The following KIF5A variants were observed in gnomAD, a reference collection of about 807,000 sequenced individuals.
KIF5A encodes the protein kinesin family member 5A.
A neutral mutation model predicts 141.3 loss-of-function variants in KIF5A; 35 were observed. The observed-to-expected ratio is 0.25, with a 90% CI of 0.19 to 0.33. The LOEUF (loss-of-function observed/expected upper bound fraction) is 0.33. KIF5A is among the 10% of genes least tolerant of loss of function. KIF5A has a pLI of 1.00. For missense variants in KIF5A, 861 were observed against 1,314.3 expected (o/e 0.66, Z 5.33); for synonymous variants, 448 against 500.2 (o/e 0.90, Z 1.39).
At chr12:57,552,395 A>G (rs1256416363) in intron 1 of KIF5A, among the ~76,000 whole-genome samples, 2 of 152,202 alleles carry the variant, frequency 1.3e-5, no homozygotes, top group African/African-American at 4.8e-5. Context: ...CTGCCAATTC[A>G]GATTCCATCT....
rs1881521912 is a variant in KIF5A, at chr12:57,550,139, G to A, written c.-133G>A. On this transcript the variant is annotated 5_prime_UTR_variant, in exon 1 of 29. Coordinates refer to ENST00000455537, the MANE Select transcript of KIF5A (RefSeq NM_004984.4). The surrounding 1 kb of genome is among the most constrained non-coding windows in gnomAD (Gnocchi z 4.6). ...CGGCCCTGCTCCCCAGGCTTCGCCC[G>A]GGCGCCCTCAACTCTGTCCCCAGAG... 2.3e-6 allele frequency: 3 copies of A among 1,299,436 alleles called. No individual in the cohort carries two copies. The highest frequency in any genetic ancestry group is 2.4e-5 in the South Asian group (2 of 83,862). 80.5% of individuals were successfully genotyped at this position (1,299,436 alleles called of 1,614,324 possible).
chr12:57,578,995 T>A (rs1029651646), intron 23 of KIF5A, among the ~76,000 whole-genome samples: 3 of 151,912 alleles, frequency 2.0e-5, no homozygotes, highest in African/African-American at 7.3e-5. Flanking sequence ...GCGCAGGAAG[T>A]AGAGGCTGCA....
chr12:57,562,179 A>G (rs1881926928), intron 1 of KIF5A, among the ~76,000 whole-genome samples: 1 of 152,180 alleles, frequency 6.6e-6, no homozygotes, highest in Non-Finnish European at 1.5e-5. Flanking sequence ...CATATTCCTG[A>G]ATTAAACAAG....
chr12:57,580,145 CA>C (rs1882552040), intron 23 of KIF5A, among the ~76,000 whole-genome samples: 1 of 152,200 alleles, frequency 6.6e-6, no homozygotes, highest in Admixed American at 6.5e-5. Flanking sequence ...CTTGAGCCCC[CA>C]GTGTTCCCCG....
At chr12:57,569,206 G>A in intron 9 of KIF5A, 50 bp from the exon 10 acceptor site, 1 of 1,610,576 alleles carries the variant, frequency 6.2e-7, no homozygotes, top group Non-Finnish European at 8.5e-7. Flanking sequence ...CTGATTCCCT[G>A]TTGAATTTTA....
chr12:57,551,189 T>G (rs1183098431), intron 1 of KIF5A, among the ~76,000 whole-genome samples: 1 of 152,206 alleles, frequency 6.6e-6, no homozygotes, highest in Admixed American at 6.5e-5. Flanking sequence ...TACCTCATCA[T>G]GACAGCCCTA....
intron 15 of KIF5A, among the ~76,000 whole-genome samples, chr12:57,574,439 A>G (rs1882357853): frequency 6.6e-6 from 1 of 150,672 alleles, no homozygotes. Flanking sequence ...CTCCTGGCTA[A>G]TTTTTTATGT....
chr12:57,576,393 G>T lies in KIF5A; in HGVS notation c.2198+15G>T. On this transcript the variant is annotated intron_variant, in intron 19 of 28. Coordinates refer to ENST00000455537, the MANE Select transcript of KIF5A (RefSeq NM_004984.4). ...GAGCTCAAAGAGTAAGGGTTCCCAA[G>T]GGCGACTCCAGCCCCTCCCGGGTCC... 1 of 1,601,032 alleles carries T rather than the reference G, an allele frequency of 6.2e-7. No individual in the cohort carries two copies. Among genetic ancestry groups the T allele is most frequent in the South Asian group, 1.1e-5 (1 of 90,626 alleles).
rs752473869 is a variant in KIF5A, at chr12:57,569,690, G to C, written c.1117+7G>C. 6.2e-7 allele frequency: 1 copy of C among 1,613,424 alleles called. No homozygotes were observed. The highest frequency in any genetic ancestry group is 2.2e-5 in the East Asian group (1 of 44,874). On this transcript the variant is annotated splice_region_variant and intron_variant, in intron 11 of 28. Transcript: ENST00000455537. ...CTGAGCCGGTGGCGCAATGGTTAGA[G>C]AGGGATAGGTGGGAGTGAGGGGCAG... is the stretch of plus-strand genomic sequence containing the variant.
Position 57,574,932 on chromosome 12 carries a change from C to G in KIF5A, c.1717-152C>G, listed in dbSNP as rs1678542. ...CGGAGGAATTTAATGTGAAATGCCGCTGATAGAGAGCTGCTAAAGGTCGTT... is the reference window on the plus strand; with the variant it reads ...CGGAGGAATTTAATGTGAAATGCCGGTGATAGAGAGCTGCTAAAGGTCGTT... On this transcript the variant is annotated intron_variant, in intron 15 of 28. Transcript: ENST00000455537. The G allele has an allele frequency of 0.43, 306,403 of 707,348 alleles. 71,580 individuals are homozygous for G. Among genetic ancestry groups the G allele is most frequent in the East Asian group, 0.79 (29,116 of 36,968 alleles). 43.8% of individuals were successfully genotyped at this position (707,348 alleles called of 1,614,324 possible).
At chr12:57,576,574 G>A (rs529972738) in intron 19 of KIF5A, among the ~76,000 whole-genome samples, 187 bp from the exon 20 acceptor site, 1 of 152,302 alleles carries the variant, frequency 6.6e-6, no homozygotes, top group South Asian at 2.1e-4. Context: ...CAGGATTAGA[G>A]AGGTCAGGGT....
chr12:57,571,938 TA>T, intron 13 of KIF5A, 122 bp from the exon 14 acceptor site: 1 of 795,242 alleles, frequency 1.3e-6, no homozygotes, highest in Non-Finnish European at 2.1e-6. Context: ...CTATGAAACC[TA>T]AAGCCCACTT....
intron 17 of KIF5A, 57 bp from the exon 18 acceptor site, chr12:57,576,011 GAGTTCTGGTCACAACGTGA>G: frequency 1.4e-6 from 2 of 1,407,034 alleles, no homozygotes; most frequent in Non-Finnish European, 2.0e-6. Flanking sequence ...GCCCTGCCTG[GAGTTCTGGTCACAACGTGA>G]AGTTCTTTCC....
At chr12:57,551,512 A>C (rs1427116469) in intron 1 of KIF5A, among the ~76,000 whole-genome samples, 5 of 152,144 alleles carry the variant, frequency 3.3e-5, no homozygotes, top group African/African-American at 1.2e-4. Context: ...TGAGGTTGGT[A>C]GGGACCTCAG....
Position 57,550,640 on chromosome 12 carries a change from A to C in KIF5A, c.129+240A>C, listed in dbSNP as rs1411643960. Among the ~76,000 whole-genome samples, 3 of 151,308 alleles carry C rather than the reference A, an allele frequency of 2.0e-5. No homozygotes were observed. The highest frequency in any genetic ancestry group is 4.4e-5 in the Non-Finnish European group (3 of 67,828). ...TGCTTTCCTACCTTCGGGAGATCCA[A>C]CTCCCCTTTGCTGCTGTCTGCAGCG... On this transcript the variant is annotated intron_variant, in intron 1 of 28. Coordinates refer to ENST00000455537, the MANE Select transcript of KIF5A (RefSeq NM_004984.4). This position sits in a 1 kb window ranked among gnomAD's most constrained non-coding sequence, Gnocchi z 4.6.
At position 57,554,842 on chromosome 12, in the gene KIF5A, A is replaced by G. The variant is rs141953319; in HGVS notation, c.129+4442A>G. 7.4e-4 allele frequency among the ~76,000 whole-genome samples: 113 copies of G among 152,276 alleles called. 1 individual carries two copies. Among genetic ancestry groups the G allele is most frequent in the African/African-American group, 2.6e-3 (109 of 41,542 alleles). ...CAGCCAGCTCTCACATGAACTCATA[A>G]AGCGATAACTCACTCATTACCATGG... On this transcript the variant is annotated intron_variant, in intron 1 of 28. Transcript: ENST00000455537.
intron 24 of KIF5A, 115 bp from the exon 25 acceptor site, chr12:57,581,300 T>C (rs1052084291): frequency 6.5e-7 from 1 of 1,540,128 alleles, no homozygotes; most frequent in Non-Finnish European, 8.9e-7. Flanking sequence ...CCCCAAAAAG[T>C]AAAAAAGTGA....
rs1362538059 is a variant in KIF5A, at chr12:57,563,569, T to C, written c.217+43T>C. ...AGAATGTCTCTTCTCAGCACCCCATTTCCTACCCGACCTATCTCCACCAGT... is the reference window on the plus strand; with the variant it reads ...AGAATGTCTCTTCTCAGCACCCCATCTCCTACCCGACCTATCTCCACCAGT... On this transcript the variant is annotated intron_variant, in intron 2 of 28. Transcript: ENST00000455537. 2.5e-6 allele frequency: 4 copies of C among 1,608,486 alleles called. No individual in the cohort carries two copies. The African/African-American group carries it at 5.3e-5, about 22-fold the overall frequency.
chr12:57,566,552 AG>A (rs1882071296), intron 6 of KIF5A, among the ~76,000 whole-genome samples: 1 of 151,740 alleles, frequency 6.6e-6, no homozygotes, highest in Non-Finnish European at 1.5e-5. Context: ...CTGGAATTAC[AG>A]GCATGTGCCA....
Sources: allele counts gnomAD v4.1 joint callset (sites outside exome capture counted in the v4.1 genomes callset), GRCh38; gene constraint gnomAD v4.1.1; non-coding constraint Gnocchi (gnomAD v3.1); transcripts MANE v1.5; gene names NCBI Gene and HGNC (gene_info 2026-07-23, HGNC 2026-07-21).